The following NAA11 variants were observed in gnomAD, a reference collection of about 807,000 sequenced individuals.
NAA11 encodes the protein N-alpha-acetyltransferase 11, NatA catalytic subunit.
A neutral mutation model predicts 16.1 loss-of-function variants in NAA11; 15 were observed. The ratio of observed to expected loss-of-function variants is 0.93; its 90% CI spans 0.62 to 1.44. The LOEUF (loss-of-function observed/expected upper bound fraction) is 1.44. NAA11 is among the 40% of genes most tolerant of loss of function. The probability of loss-of-function intolerance (pLI) is 0.00; values close to 1 mark genes in which losing one functional copy is unlikely to be tolerated. For missense variants in NAA11, 298 were observed against 291.3 expected, an observed-to-expected ratio of 1.02 and a Z score of -0.17; for synonymous variants, 122 against 112.4, an observed-to-expected ratio of 1.09 and a Z score of -0.54.
At chr4:79,222,540 C>G (rs1721214649), downstream of NAA11, among the ~76,000 whole-genome samples, 1 of 149,902 alleles carries the variant, frequency 6.7e-6, no homozygotes, top group African/African-American at 2.5e-5. Flanking sequence ...CCATAAAAAC[C>G]CTAGAAGAAC....
At chr4:79,323,257 G>T (rs975760612) in intron 1 of NAA11, among the ~76,000 whole-genome samples, 1 of 152,170 alleles carries the variant, frequency 6.6e-6, no homozygotes, top group Non-Finnish European at 1.5e-5. Context: ...ACCGACCCTT[G>T]AAATTCCTAA....
chr4:79,189,298 G>A, the NAA11 span, among the ~76,000 whole-genome samples: 2 of 152,032 alleles, frequency 1.3e-5, no homozygotes, highest in African/African-American at 4.8e-5. Flanking sequence ...CGGATCCAAA[G>A]GGTCTAATGG....
chr4:79,298,936 A>T (rs1723307607), intron 1 of NAA11: 1 of 152,244 alleles, frequency 6.6e-6, no homozygotes, highest in Non-Finnish European at 1.5e-5. Context: ...TTCTCTTTGG[A>T]TTCAAGTAAT....
At position 79,323,737 on chromosome 4, in the gene NAA11, C is replaced by G. The variant is rs1172222841; in HGVS notation, c.*12+1439G>C. Among the ~76,000 whole-genome samples, 4 of 152,236 alleles carry G rather than the reference C, an allele frequency of 2.6e-5. No homozygotes were observed. In the Middle Eastern group the frequency reaches 0.014, roughly 518 times the overall value. On this transcript the variant is annotated intron_variant, in intron 1 of 1. Transcript: ENST00000286794. ...TCGGGAGGCTGAGGCAGCGGAATGGCGTGAACCCGGGAGGCGGAGCTTGCA... is the reference window on the plus strand; with the variant it reads ...TCGGGAGGCTGAGGCAGCGGAATGGGGTGAACCCGGGAGGCGGAGCTTGCA...
chr4:79,230,421 T>A (rs1721434610), intron 2 of NAA11, among the ~76,000 whole-genome samples: 1 of 151,696 alleles, frequency 6.6e-6, no homozygotes, highest in Admixed American at 6.6e-5. Context: ...ACTTAAAGTA[T>A]AATAATAAAT....
At chr4:79,293,649 G>T (rs1173693265) in intron 2 of NAA11, among the ~76,000 whole-genome samples, 1 of 152,136 alleles carries the variant, frequency 6.6e-6, no homozygotes, top group Non-Finnish European at 1.5e-5. Context: ...TGTTTACATG[G>T]TCAACCCAGA....
At chr4:79,193,949 G>C in the NAA11 span, among the ~76,000 whole-genome samples, 2 of 152,150 alleles carry the variant, frequency 1.3e-5, no homozygotes, top group Non-Finnish European at 2.9e-5. Context: ...CACATCCCTT[G>C]TAAGTTGGAT....
At chr4:79,157,003 C>T in the NAA11 span, among the ~76,000 whole-genome samples, 1 of 152,082 alleles carries the variant, frequency 6.6e-6, no homozygotes, top group Non-Finnish European at 1.5e-5. Flanking sequence ...GCACATTATC[C>T]CTGACTAAAT....
the NAA11 span, among the ~76,000 whole-genome samples, chr4:79,219,636 A>G: frequency 6.6e-6 from 1 of 152,148 alleles, no homozygotes; most frequent in Non-Finnish European, 1.5e-5. Context: ...AACAAACTGA[A>G]AAGTTGAAAG....
chr4:79,209,060 A>G, the NAA11 span, among the ~76,000 whole-genome samples: 1 of 151,856 alleles, frequency 6.6e-6, no homozygotes, highest in East Asian at 1.9e-4. Context: ...TACTAAACTT[A>G]CTGTCTTAAC....
At chr4:79,297,448 G>A (rs1255511221) in intron 1 of NAA11, among the ~76,000 whole-genome samples, 2 of 152,142 alleles carry the variant, frequency 1.3e-5, no homozygotes, top group African/African-American at 4.8e-5. Context: ...CCTCCCAAAC[G>A]TAGGGCCTGG....
At chr4:79,203,256 T>C in the NAA11 span, among the ~76,000 whole-genome samples, 1 of 151,706 alleles carries the variant, frequency 6.6e-6, no homozygotes, top group Non-Finnish European at 1.5e-5. Flanking sequence ...CCATTAAGGG[T>C]AGTCAAATGA....
intron 2 of NAA11, among the ~76,000 whole-genome samples, chr4:79,232,611 A>G (rs1314034721): frequency 6.6e-6 from 1 of 151,992 alleles, no homozygotes; most frequent in East Asian, 1.9e-4. Flanking sequence ...GGTTACTACT[A>G]TGTTGTGAGC....
the NAA11 span, among the ~76,000 whole-genome samples, chr4:79,217,930 T>C: frequency 6.6e-6 from 1 of 152,100 alleles, no homozygotes; most frequent in Non-Finnish European, 1.5e-5. Context: ...GAAGAAATAA[T>C]ACATGTGTAG....
chr4:79,254,519 TGAGA>T (rs779078037), intron 2 of NAA11, among the ~76,000 whole-genome samples: 4 of 152,176 alleles, frequency 2.6e-5, no homozygotes, highest in African/African-American at 4.8e-5. Flanking sequence ...CCAGATTCCC[TGAGA>T]GATAGTATAG....
intron 2 of NAA11, among the ~76,000 whole-genome samples, chr4:79,287,187 T>C (rs980322555): frequency 4.6e-5 from 7 of 152,156 alleles, no homozygotes; most frequent in Admixed American, 4.6e-4. Flanking sequence ...TGTATTTTTG[T>C]AACGTATTAA....
chr4:79,295,364 T>C (rs564330395), intron 1 of NAA11, among the ~76,000 whole-genome samples: 1 of 152,348 alleles, frequency 6.6e-6, no homozygotes, highest in South Asian at 2.1e-4. Flanking sequence ...GCTCAGGAAA[T>C]CTGTTTCAGG....
the NAA11 span, among the ~76,000 whole-genome samples, chr4:79,206,762 C>T: frequency 7.7e-3 from 1,178 of 152,198 alleles, 17 homozygotes; most frequent in African/African-American, 0.027. Context: ...AAGGTAGATG[C>T]GTCAAGTTAT....
At chr4:79,256,562 G>A (rs1722109783) in intron 2 of NAA11, among the ~76,000 whole-genome samples, 2 of 150,928 alleles carry the variant, frequency 1.3e-5, no homozygotes, top group African/African-American at 2.4e-5. Flanking sequence ...AGCTATTGAT[G>A]CTCAGTGATT....
Sources: gnomAD v4.1 joint callset for allele counts (sites outside exome capture counted in the v4.1 genomes callset) on GRCh38, gnomAD v4.1.1 for gene constraint, MANE v1.5 for transcripts, NCBI Gene and HGNC (gene_info 2026-07-23, HGNC 2026-07-21) for gene names.